CCDC102B: variants seen among roughly 807,000 people sequenced by gnomAD.
CCDC102B encodes the protein coiled-coil domain containing 102B, also known as coiled-coil domain-containing protein 102B.
Under a neutral mutation model 57.4 loss-of-function variants are expected in CCDC102B, and 75 were observed. The observed-to-expected ratio is 1.31, with a 90% confidence interval of 1.08 to 1.58. The LOEUF (loss-of-function observed/expected upper bound fraction) is 1.58. CCDC102B is among the 40% of genes most tolerant of loss of function. The pLI is 0.00. For synonymous variants in CCDC102B, 206 were observed against 201.9 expected, an observed-to-expected ratio of 1.02 and a Z score of -0.17; for missense variants, 636 against 582.6, an observed-to-expected ratio of 1.09 and a Z score of -0.94.
At chr18:68,774,840 A>T (rs1393577240) in intron 2 of CCDC102B, among the ~76,000 whole-genome samples, 1 of 151,760 alleles carries the variant, frequency 6.6e-6, no homozygotes, top group Non-Finnish European at 1.5e-5. Flanking sequence ...TTGTCATTTT[A>T]AAATATTATC....
chr18:68,896,751 A>G (rs1652354089), intron 5 of CCDC102B, among the ~76,000 whole-genome samples: 1 of 151,992 alleles, frequency 6.6e-6, no homozygotes, highest in Non-Finnish European at 1.5e-5. Flanking sequence ...GCAACTGCAA[A>G]TGTTGCATAG....
At chr18:69,050,174 A>G (rs1278623777) in intron 7 of CCDC102B, among the ~76,000 whole-genome samples, 1 of 152,136 alleles carries the variant, frequency 6.6e-6, no homozygotes, top group Non-Finnish European at 1.5e-5. Context: ...CAAATTACAG[A>G]CAGATTCATT....
chr18:68,781,611 T>A (rs555687048), intron 2 of CCDC102B, among the ~76,000 whole-genome samples: 34 of 152,164 alleles, frequency 2.2e-4, no homozygotes, highest in Non-Finnish European at 4.3e-4. Context: ...TAAACAAAAG[T>A]TCTCCATTAC....
At chr18:69,046,517 CA>C (rs1280130633) in intron 7 of CCDC102B, among the ~76,000 whole-genome samples, 2 of 151,918 alleles carry the variant, frequency 1.3e-5, no homozygotes, top group African/African-American at 4.8e-5. Context: ...GGATGGTTTG[CA>C]AAAAATTTCT....
chr18:69,057,335 A>G (rs1051568721), downstream of CCDC102B, among the ~76,000 whole-genome samples: 6 of 152,056 alleles, frequency 3.9e-5, no homozygotes, highest in African/African-American at 1.4e-4. Context: ...TTAGCTAGGT[A>G]GTGCTTCCAC....
intron 2 of CCDC102B, among the ~76,000 whole-genome samples, chr18:68,771,626 G>A (rs374472832): frequency 1.6e-4 from 24 of 152,152 alleles, no homozygotes; most frequent in Non-Finnish European, 2.4e-4. Flanking sequence ...AGCGAGGAGC[G>A]GTAAGGGCTA....
At chr18:68,792,951 G>C (rs1244707524) in intron 2 of CCDC102B, among the ~76,000 whole-genome samples, 1 of 152,132 alleles carries the variant, frequency 6.6e-6, no homozygotes, top group Non-Finnish European at 1.5e-5. Flanking sequence ...AATAGCAGGA[G>C]GGAAGAAAAT....
intron 3 of CCDC102B, among the ~76,000 whole-genome samples, chr18:68,845,041 G>T (rs1034353446): frequency 6.6e-6 from 1 of 151,812 alleles, no homozygotes; most frequent in Non-Finnish European, 1.5e-5. Flanking sequence ...GTCTTTTGAG[G>T]TTAAGCTAAG....
intron 2 of CCDC102B, among the ~76,000 whole-genome samples, chr18:68,729,310 A>G (rs1238703741): frequency 6.6e-6 from 1 of 152,196 alleles, no homozygotes; most frequent in Admixed American, 6.5e-5. Context: ...TTCAATGACA[A>G]TTTTAAGAAG....
At chr18:68,972,596 C>T (rs1430949050) in intron 6 of CCDC102B, among the ~76,000 whole-genome samples, 2 of 152,214 alleles carry the variant, frequency 1.3e-5, no homozygotes, top group South Asian at 2.1e-4. Flanking sequence ...TGACTTATAC[C>T]AGGTTCTCAA....
chr18:69,037,807 T>G (rs915873066), intron 7 of CCDC102B, among the ~76,000 whole-genome samples: 3 of 151,972 alleles, frequency 2.0e-5, no homozygotes, highest in African/African-American at 7.2e-5. Context: ...TGTGTTAATC[T>G]GAGTACGGAG....
intron 6 of CCDC102B, among the ~76,000 whole-genome samples, chr18:68,980,078 G>C (rs2050538529): frequency 6.6e-6 from 1 of 151,826 alleles, no homozygotes; most frequent in Admixed American, 6.6e-5. Context: ...GAGTGTCCAG[G>C]GCAGTTGAAA....
chr18:68,966,490 G>C (rs1469472078), intron 6 of CCDC102B, among the ~76,000 whole-genome samples: 1 of 152,130 alleles, frequency 6.6e-6, no homozygotes, highest in East Asian at 1.9e-4. Flanking sequence ...GTTACCCTGT[G>C]TGTGTGGGAC....
chr18:68,892,658 T>A (rs191607416), intron 5 of CCDC102B, among the ~76,000 whole-genome samples: 55 of 152,326 alleles, frequency 3.6e-4, no homozygotes, highest in Admixed American at 3.4e-3. Context: ...CAAAGGATAC[T>A]ATTTTATAGC....
At chr18:69,044,821 A>C (rs892321266) in intron 7 of CCDC102B, among the ~76,000 whole-genome samples, 18 of 152,192 alleles carry the variant, frequency 1.2e-4, no homozygotes, top group Non-Finnish European at 2.5e-4. Context: ...TATATATTGT[A>C]TGAGGCAGCA....
At chr18:68,785,225 C>A (rs2035158580) in intron 2 of CCDC102B, among the ~76,000 whole-genome samples, 1 of 151,876 alleles carries the variant, frequency 6.6e-6, no homozygotes, top group Admixed American at 6.6e-5. Flanking sequence ...TCCAGTCTAT[C>A]ATTGTTGGAC....
chr18:68,927,987 A>G (rs2041534808), intron 6 of CCDC102B, among the ~76,000 whole-genome samples: 1 of 151,912 alleles, frequency 6.6e-6, no homozygotes, highest in Admixed American at 6.6e-5. Flanking sequence ...GACACTGGGC[A>G]GTTAGATGAT....
intron 6 of CCDC102B, among the ~76,000 whole-genome samples, chr18:68,961,774 C>T (rs1019179870): frequency 6.6e-6 from 1 of 151,948 alleles, no homozygotes; most frequent in East Asian, 1.9e-4. Flanking sequence ...TATAAAATAA[C>T]ATTTTGTCAG....
intron 7 of CCDC102B, among the ~76,000 whole-genome samples, chr18:69,033,637 T>G (rs2145450126): frequency 6.6e-6 from 1 of 152,232 alleles, no homozygotes; most frequent in South Asian, 2.1e-4. Flanking sequence ...CTTTGTATGG[T>G]TCATTCATCA....
Sources: gnomAD v4.1 joint callset for allele counts (sites outside exome capture counted in the v4.1 genomes callset) on GRCh38, gnomAD v4.1.1 for gene constraint, MANE v1.5 for transcripts, NCBI Gene and HGNC (gene_info 2026-07-23, HGNC 2026-07-21) for gene names.